SDK1: variants seen among roughly 807,000 people sequenced by gnomAD.
SDK1 encodes the protein protein sidekick-1.
A neutral mutation model predicts 245.5 loss-of-function variants in SDK1; 157 were observed. The ratio of observed to expected loss-of-function variants is 0.64; its 90% confidence interval spans 0.56 to 0.73. The LOEUF (loss-of-function observed/expected upper bound fraction) is 0.73. Among genes scored for constraint, SDK1 ranks in the 30% least tolerant of loss-of-function variants. The pLI is 0.00. For synonymous variants in SDK1, 1,647 were observed against 1,278.5 expected (o/e 1.29, Z -6.15); for missense variants, 3,583 against 3,002.3 (o/e 1.19, Z -4.52).
chr7:4,219,935 A>T (rs1202923707), intron 38 of SDK1, among the ~76,000 whole-genome samples, 174 bp from the exon 39 acceptor site: 2 of 151,748 alleles, frequency 1.3e-5, no homozygotes, highest in South Asian at 4.2e-4. Flanking sequence ...AGCTCTAATT[A>T]CACTTATCTG....
chr7:3,438,445 C>G (rs563495503), intron 1 of SDK1, among the ~76,000 whole-genome samples: 2 of 152,240 alleles, frequency 1.3e-5, no homozygotes, highest in East Asian at 1.9e-4. Context: ...ATAAATGTTA[C>G]GTTTTCTGTG....
chr7:3,897,164 C>T (rs1337187920), intron 5 of SDK1, among the ~76,000 whole-genome samples: 1 of 152,184 alleles, frequency 6.6e-6, no homozygotes. Flanking sequence ...CTTGAGATGA[C>T]ATTTGGGAGG....
At chr7:3,734,078 G>C (rs1047942014) in intron 4 of SDK1, among the ~76,000 whole-genome samples, 1 of 152,192 alleles carries the variant, frequency 6.6e-6, no homozygotes, top group Non-Finnish European at 1.5e-5. Context: ...TCCTTGCCCA[G>C]GCTCCCCGTG....
At chr7:3,634,929 G>A (rs931923185) in intron 2 of SDK1, among the ~76,000 whole-genome samples, 10 of 152,164 alleles carry the variant, frequency 6.6e-5, no homozygotes, top group African/African-American at 2.4e-4. Flanking sequence ...TGAAAAACAG[G>A]AAAAAGTAGA....
chr7:3,866,040 G>A (rs568593299), intron 5 of SDK1, among the ~76,000 whole-genome samples: 1 of 152,350 alleles, frequency 6.6e-6, no homozygotes, highest in Admixed American at 6.5e-5. Context: ...AAAGGAAAAG[G>A]AGGCAGAGTG....
intron 14 of SDK1, among the ~76,000 whole-genome samples, chr7:3,989,274 C>T (rs1005098533): frequency 1.3e-5 from 2 of 152,180 alleles, no homozygotes; most frequent in African/African-American, 4.8e-5. Context: ...CAAGAGAAGA[C>T]AGCTTGTGCA....
chr7:3,473,827 G>A (rs147708989), intron 1 of SDK1, among the ~76,000 whole-genome samples: 5 of 152,124 alleles, frequency 3.3e-5, no homozygotes, highest in Non-Finnish European at 7.4e-5. Flanking sequence ...TTAGACCACC[G>A]TATGGTCTGC....
At position 3,712,566 on chromosome 7, in the gene SDK1, G is replaced by A. The variant is rs186387236; in HGVS notation, c.713+70461G>A. On this transcript the variant is annotated intron_variant, in intron 4 of 44. Coordinates refer to ENST00000404826, the MANE Select transcript of SDK1 (RefSeq NM_152744.4). Reference sequence around the variant, plus strand: ...GGATAAATTGTTTTTCATGAAACTGGTCCCTGGTGCCAAGAAGGTTGGGGA... The same window carrying A: ...GGATAAATTGTTTTTCATGAAACTGATCCCTGGTGCCAAGAAGGTTGGGGA... Among the ~76,000 whole-genome samples the A allele has an allele frequency of 2.1e-4, 32 of 152,240 alleles. 3 individuals carry two copies. Among genetic ancestry groups the A allele is most frequent in the African/African-American group, 7.7e-4 (32 of 41,542 alleles).
intron 5 of SDK1, among the ~76,000 whole-genome samples, chr7:3,892,478 C>T (rs1781484252): frequency 6.6e-6 from 1 of 152,200 alleles, no homozygotes. Flanking sequence ...CCGTCCCCTC[C>T]TCCCACAAGT....
chr7:4,211,635 A>G (rs1043949202), intron 38 of SDK1, among the ~76,000 whole-genome samples: 2 of 151,914 alleles, frequency 1.3e-5, no homozygotes, highest in Non-Finnish European at 2.9e-5. Flanking sequence ...TTTGAGACGG[A>G]GTCTTGCTCT....
intron 41 of SDK1, among the ~76,000 whole-genome samples, chr7:4,236,315 C>G (rs765491306): frequency 3.9e-5 from 6 of 152,196 alleles, no homozygotes; most frequent in Admixed American, 1.3e-4. Flanking sequence ...CAGCACCCAT[C>G]AAGATACAAT....
rs866790302 is a variant in SDK1 at position 3,950,399 on chromosome 7, C to T, written c.848-524C>T. Among the ~76,000 whole-genome samples the T allele has an allele frequency of 2.0e-5, 3 of 152,236 alleles. No homozygotes were observed. The East Asian group carries it at 5.8e-4, about 29-fold the overall frequency. On this transcript the variant is annotated intron_variant, in intron 5 of 44. Transcript: ENST00000404826. ...TCTGCCCTTTCACTTTCTGTGGTTT[C>T]CATTACCCTCCGTCAACCATGGTCC...
At chr7:4,127,557 G>A in intron 26 of SDK1, 61 bp downstream of exon 26, 2 of 1,236,360 alleles carry the variant, frequency 1.6e-6, no homozygotes, top group Non-Finnish European at 1.2e-6. Context: ...ATGGGAGCAT[G>A]TGCTATTCCC....
intron 1 of SDK1, among the ~76,000 whole-genome samples, chr7:3,405,044 C>T (rs960459873): frequency 6.6e-6 from 1 of 151,852 alleles, no homozygotes; most frequent in Non-Finnish European, 1.5e-5. Context: ...TGGGTTCTGA[C>T]GATGTCCTAC....
At chr7:3,441,093 C>T (rs1197832607) in intron 1 of SDK1, among the ~76,000 whole-genome samples, 1 of 152,138 alleles carries the variant, frequency 6.6e-6, no homozygotes, top group Non-Finnish European at 1.5e-5. Flanking sequence ...CATGTCACAT[C>T]ATTACAAGAA....
chr7:3,808,557 CAT>C (rs1333783790), intron 4 of SDK1, among the ~76,000 whole-genome samples: 9 of 152,190 alleles, frequency 5.9e-5, no homozygotes, highest in African/African-American at 1.2e-4. Context: ...GCAGAAGAGA[CAT>C]GTGTGTCACA....
intron 1 of SDK1, among the ~76,000 whole-genome samples, chr7:3,376,328 C>T (rs945191076): frequency 6.6e-6 from 1 of 151,896 alleles, no homozygotes; most frequent in East Asian, 1.9e-4. Context: ...ATATGCAATC[C>T]CCAAGCCATA....
chr7:3,946,101 G>C (rs1320732771), intron 5 of SDK1, among the ~76,000 whole-genome samples: 1 of 150,226 alleles, frequency 6.7e-6, no homozygotes, highest in African/African-American at 2.4e-5. Flanking sequence ...AACGCTATCA[G>C]GTATGCATGT....
chr7:3,525,188 G>T (rs1182608641), intron 1 of SDK1, among the ~76,000 whole-genome samples: 1 of 151,942 alleles, frequency 6.6e-6, no homozygotes, highest in Non-Finnish European at 1.5e-5. Context: ...TGAGGTTTTG[G>T]GTATTCTTGG....
Sources: gnomAD v4.1 joint callset for allele counts (sites outside exome capture counted in the v4.1 genomes callset) on GRCh38, gnomAD v4.1.1 for gene constraint, MANE v1.5 for transcripts, NCBI Gene and HGNC (gene_info 2026-07-23, HGNC 2026-07-21) for gene names.